SH3GL2: variants seen among roughly 807,000 people sequenced by gnomAD.
SH3GL2 encodes SH3 domain containing GRB2 like 2, endophilin A1, also known as endophilin-A1.
SH3GL2 carries 24 observed loss-of-function variants against 46.0 expected under a neutral mutation model. The ratio of observed to expected loss-of-function variants is 0.52; its 90% CI spans 0.38 to 0.73. The LOEUF (loss-of-function observed/expected upper bound fraction) is 0.73, where lower values mean the gene tolerates loss of function less well. SH3GL2 is among the 30% of genes least tolerant of loss of function. The pLI is 0.00. For synonymous variants in SH3GL2, 196 were observed against 147.1 expected (o/e 1.33, Z -2.40); for missense variants, 413 against 424.2 (o/e 0.97, Z 0.23).
chr9:17,685,990 TCA>T (rs1281938479), intron 1 of SH3GL2, among the ~76,000 whole-genome samples: 1 of 144,552 alleles, frequency 6.9e-6, no homozygotes, highest in Non-Finnish European at 1.5e-5. Flanking sequence ...GAAACTACCA[TCA>T]GAGTGAACAG....
chr9:17,747,503 C>G (rs183607534), intron 2 of SH3GL2, among the ~76,000 whole-genome samples: 34 of 152,260 alleles, frequency 2.2e-4, no homozygotes, highest in Admixed American at 1.1e-3. Flanking sequence ...GTTTAAGTCA[C>G]TTTCTGGCTT....
chr9:17,777,663 A>G (rs1823680242), intron 3 of SH3GL2, among the ~76,000 whole-genome samples: 2 of 152,072 alleles, frequency 1.3e-5, no homozygotes, highest in African/African-American at 4.8e-5. Flanking sequence ...CTATGTCCTC[A>G]TGTAACCTTT....
At chr9:17,717,247 G>A (rs139318244) in intron 1 of SH3GL2, among the ~76,000 whole-genome samples, 225 of 152,208 alleles carry the variant, frequency 1.5e-3, no homozygotes, top group African/African-American at 5.2e-3. Context: ...CTTTTATGCT[G>A]TCACATGTTG....
chr9:17,600,239 A>T (rs921362558), intron 1 of SH3GL2, among the ~76,000 whole-genome samples: 1 of 152,226 alleles, frequency 6.6e-6, no homozygotes, highest in Non-Finnish European at 1.5e-5. Context: ...TGTTTGATAG[A>T]AACACAGCCT....
intron 1 of SH3GL2, among the ~76,000 whole-genome samples, chr9:17,740,165 A>T (rs977715077): frequency 2.0e-5 from 3 of 152,136 alleles, no homozygotes; most frequent in Non-Finnish European, 4.4e-5. Context: ...CTCAATTTAG[A>T]TAGACAAAAT....
chr9:17,625,405 C>A (rs771388815), intron 1 of SH3GL2, among the ~76,000 whole-genome samples: 53 of 152,182 alleles, frequency 3.5e-4, no homozygotes, highest in Non-Finnish European at 6.8e-4. Flanking sequence ...CCTTTCATTG[C>A]CTCCTAACTT....
chr9:17,783,558 A>G (rs1823872859), intron 3 of SH3GL2, among the ~76,000 whole-genome samples: 1 of 152,024 alleles, frequency 6.6e-6, no homozygotes. Flanking sequence ...GATGCTACAG[A>G]TTATGCTTTA....
chr9:17,681,788 T>G (rs956752920), intron 1 of SH3GL2, among the ~76,000 whole-genome samples: 5 of 151,664 alleles, frequency 3.3e-5, no homozygotes, highest in African/African-American at 1.2e-4. Context: ...TAGGAGAAAA[T>G]TTTTGTAATC....
chr9:17,650,600 G>T (rs1037281642), intron 1 of SH3GL2, among the ~76,000 whole-genome samples: 4 of 151,990 alleles, frequency 2.6e-5, no homozygotes, highest in Non-Finnish European at 1.5e-5. Context: ...CTCCTGATCC[G>T]CCCGCTTCAG....
chr9:17,730,437 G>T (rs554196225), intron 1 of SH3GL2, among the ~76,000 whole-genome samples: 1 of 152,206 alleles, frequency 6.6e-6, no homozygotes, highest in South Asian at 2.1e-4. Flanking sequence ...CTTCCTGTTT[G>T]AATACACTTT....
intron 1 of SH3GL2, among the ~76,000 whole-genome samples, chr9:17,731,191 C>T (rs1446680900): frequency 1.3e-5 from 2 of 151,990 alleles, no homozygotes; most frequent in Admixed American, 1.3e-4. Flanking sequence ...ATATCTAGAG[C>T]GATGTTTTAA....
chr9:17,761,370 C>T (rs1268173540), intron 2 of SH3GL2, 67 bp from the exon 3 acceptor site: 4 of 1,011,810 alleles, frequency 4.0e-6, no homozygotes, highest in South Asian at 1.3e-5. Context: ...TATACAGACT[C>T]AACCAAAAAC....
intron 2 of SH3GL2, among the ~76,000 whole-genome samples, chr9:17,751,145 C>A (rs1588300628): frequency 6.6e-6 from 1 of 152,172 alleles, no homozygotes; most frequent in East Asian, 1.9e-4. Context: ...AGAAACATGT[C>A]TATAGGCCCT....
intron 2 of SH3GL2, among the ~76,000 whole-genome samples, chr9:17,760,192 C>G (rs1588309548): frequency 1.3e-5 from 2 of 152,266 alleles, no homozygotes; most frequent in South Asian, 4.1e-4. Flanking sequence ...TGTAGACAGG[C>G]ACATTTGAAA....
chr9:17,648,310 T>A (rs1033949235), intron 1 of SH3GL2, among the ~76,000 whole-genome samples: 1 of 152,212 alleles, frequency 6.6e-6, no homozygotes, highest in Non-Finnish European at 1.5e-5. Context: ...GGGGAATGCA[T>A]GTACAAAGGT....
intron 1 of SH3GL2, among the ~76,000 whole-genome samples, chr9:17,717,823 C>G (rs917100085): frequency 6.6e-6 from 1 of 151,970 alleles, no homozygotes; most frequent in Admixed American, 6.6e-5. Flanking sequence ...TAGTAGTAGT[C>G]AAAGATGTAC....
intron 2 of SH3GL2, among the ~76,000 whole-genome samples, chr9:17,758,588 A>AAAAAAAAAAAC (rs1823075844): frequency 6.8e-6 from 1 of 147,752 alleles, no homozygotes; most frequent in Non-Finnish European, 1.5e-5. Flanking sequence ...AAAAAAAAAA[A>AAAAAAAAAAAC]AAAAAAATTG....
intron 1 of SH3GL2, among the ~76,000 whole-genome samples, chr9:17,595,217 A>G (rs946669069): frequency 2.0e-5 from 3 of 152,314 alleles, no homozygotes; most frequent in Middle Eastern, 3.4e-3. Context: ...CATGAGTCCT[A>G]TTGTCACCTT....
chr9:17,672,877 A>C (rs1006765248), intron 1 of SH3GL2, among the ~76,000 whole-genome samples: 10 of 152,168 alleles, frequency 6.6e-5, no homozygotes, highest in East Asian at 5.8e-4. Context: ...ATTCTGTTTC[A>C]GAATTAGATT....
Sources: allele counts gnomAD v4.1 joint callset (sites outside exome capture counted in the v4.1 genomes callset), GRCh38; gene constraint gnomAD v4.1.1; transcripts MANE v1.5; gene names NCBI Gene and HGNC (gene_info 2026-07-23, HGNC 2026-07-21).